SLC7A11: variants seen among roughly 807,000 people sequenced by gnomAD.
The protein encoded by SLC7A11 is solute carrier family 7 member 11.
A neutral mutation model predicts 54.5 loss-of-function variants in SLC7A11; 35 were observed. The ratio of observed to expected loss-of-function variants is 0.64; its 90% CI spans 0.49 to 0.85. The LOEUF is 0.85. Ranked by LOEUF, SLC7A11 falls within the 40% of genes least tolerant of loss-of-function variation. SLC7A11 has a pLI of 0.00. For synonymous variants in SLC7A11, 230 were observed against 225.2 expected (o/e 1.02, Z -0.19); for missense variants, 583 against 618.1 (o/e 0.94, Z 0.60).
chr4:138,170,843 A>G lies in SLC7A11; in HGVS notation c.*1113T>C, dbSNP rs558196704. ...TCTTTTGCAATTTTTATGTTAATATATGCCTTTTCCTAATTAATCTGGACA... is the reference window on the plus strand; with the variant it reads ...TCTTTTGCAATTTTTATGTTAATATGTGCCTTTTCCTAATTAATCTGGACA... On this transcript the variant is annotated 3_prime_UTR_variant, in exon 12 of 12. Transcript: ENST00000280612. 3.1e-4 allele frequency: 47 copies of G among 152,332 alleles called. No individual in the cohort carries two copies. The highest frequency in any genetic ancestry group is 1.1e-3 in the African/African-American group (44 of 41,590). 9.4% of individuals were successfully genotyped at this position (152,332 alleles called of 1,614,324 possible).
intron 6 of SLC7A11, among the ~76,000 whole-genome samples, chr4:138,196,485 G>C (rs977669932): frequency 2.0e-5 from 3 of 152,012 alleles, no homozygotes; most frequent in African/African-American, 7.2e-5. Context: ...AAAATACTGA[G>C]CTCCCTCCGT....
Position 138,241,910 on chromosome 4 carries a change from T to A in SLC7A11, c.160A>T (p.Ile54Phe), listed in dbSNP as rs775244957. ...VTLLRGVSIIIGTIIGAGIFI... is the reference protein window; with the variant it reads ...VTLLRGVSIIFGTIIGAGIFI... ...ATTCCTGCTCCAATGATGGTGCCAATGATAATGGAGACTCCCCTCAGTAAA... is the reference window on the plus strand; with the variant it reads ...ATTCCTGCTCCAATGATGGTGCCAAAGATAATGGAGACTCCCCTCAGTAAA... The change falls in exon 1 of 12, where the codon ATT (isoleucine) becomes TTT (phenylalanine). Residue 54 changes from isoleucine (I) to phenylalanine (F), a missense_variant. Transcript: ENST00000280612. 6.2e-7 allele frequency: 1 copy of A among 1,613,942 alleles called. No individual in the cohort carries two copies. Among genetic ancestry groups the A allele is most frequent in the South Asian group, 1.1e-5 (1 of 91,070 alleles).
At position 138,179,381 on chromosome 4, in the gene SLC7A11, A is replaced by G. The variant is rs756294364; in HGVS notation, c.1280T>C (p.Ile427Thr). 2 of 1,611,948 alleles carry G rather than the reference A, an allele frequency of 1.2e-6. No individual in the cohort carries two copies. Among genetic ancestry groups the G allele is most frequent in the African/African-American group, 1.3e-5 (1 of 74,932 alleles). ...MHRPFKVPLF[I>T]PALFSFTCLF... ...GCATGTGAAGGAAAACAAAGCTGGG[A>G]TGAACAGTGGCACCTGGAACACAGA... The change falls in exon 11 of 12, where the codon ATC (isoleucine) becomes ACC (threonine). Residue 427 changes from isoleucine (I) to threonine (T), a missense_variant. Coordinates refer to ENST00000280612, the MANE Select transcript of SLC7A11 (RefSeq NM_014331.4).
chr4:138,188,668 T>C (rs1736938708), intron 6 of SLC7A11, among the ~76,000 whole-genome samples: 2 of 152,138 alleles, frequency 1.3e-5, no homozygotes, highest in Non-Finnish European at 2.9e-5. Context: ...ACAGCGCAGA[T>C]AGCATTACTA....
rs986294215 is a variant in SLC7A11 at position 138,239,052 on chromosome 4, T to C, written c.278-2601A>G. 1.2e-4 allele frequency among the ~76,000 whole-genome samples: 19 copies of C among 152,332 alleles called. 1 individual carries two copies. The highest frequency in any genetic ancestry group is 4.1e-4 in the African/African-American group (17 of 41,574). On this transcript the variant is annotated intron_variant, in intron 1 of 11. Transcript: ENST00000280612. ...AGTAACGAGTCTGCAGACTAATATT[T>C]GGGGAACACTGATGTATTTCATCTA... is the stretch of plus-strand genomic sequence containing the variant.
At chr4:138,241,569 C>T (rs1738380121) in intron 1 of SLC7A11, among the ~76,000 whole-genome samples, 1 of 152,084 alleles carries the variant, frequency 6.6e-6, no homozygotes, top group Admixed American at 6.5e-5. Flanking sequence ...CTGTCTTAGT[C>T]AGGAAAAGAA....
rs1159512041 is a variant in SLC7A11, at chr4:138,171,843, C to T, written c.*113G>A. On this transcript the variant is annotated 3_prime_UTR_variant, in exon 12 of 12. Coordinates refer to ENST00000280612, the MANE Select transcript of SLC7A11 (RefSeq NM_014331.4). ...AAAATATATGAATAAAAATAACTGA[C>T]TCCTTTTGTTTATCACCAAAGTTGT... The T allele has an allele frequency of 1.1e-5, 15 of 1,313,648 alleles. No individual in the cohort carries two copies. The highest frequency in any genetic ancestry group is 1.2e-5 in the Non-Finnish European group (12 of 971,548). 81.4% of individuals were successfully genotyped at this position (1,313,648 alleles called of 1,614,324 possible). A position where few individuals can be genotyped will look rare whatever the true frequency, so the allele number is the denominator to read the frequency against.
At chr4:138,196,280 C>G (rs1336557282) in intron 6 of SLC7A11, among the ~76,000 whole-genome samples, 1 of 152,138 alleles carries the variant, frequency 6.6e-6, no homozygotes, top group Non-Finnish European at 1.5e-5. Flanking sequence ...ATGGTGTGAT[C>G]AGCCAGCAGC....
intron 11 of SLC7A11, among the ~76,000 whole-genome samples, chr4:138,178,468 A>G (rs1251299194): frequency 6.6e-6 from 1 of 152,066 alleles, no homozygotes; most frequent in African/African-American, 2.4e-5. Context: ...TTTATAGTAG[A>G]ATGATTTATA....
At chr4:138,241,696 C>T in intron 1 of SLC7A11, 97 bp downstream of exon 1, 1 of 961,594 alleles carries the variant, frequency 1.0e-6, no homozygotes, top group Non-Finnish European at 1.6e-6. Flanking sequence ...TGGCCTTTGC[C>T]ATCCATTCAC....
chr4:138,203,575 C>T (rs544279620), intron 6 of SLC7A11, among the ~76,000 whole-genome samples: 1 of 152,088 alleles, frequency 6.6e-6, no homozygotes, highest in African/African-American at 2.4e-5. Flanking sequence ...GTGCTGTTTG[C>T]CATAATTTCT....
Position 138,168,686 on chromosome 4 carries a change from C to G in SLC7A11, c.*3270G>C, listed in dbSNP as rs1171863996. ...AACCGTCATGCATTGCTAACGTAAC[C>G]TAATAAGCTGTCCAAATTTTGTGTC... On this transcript the variant is annotated 3_prime_UTR_variant, in exon 12 of 12. Coordinates refer to ENST00000280612, the MANE Select transcript of SLC7A11 (RefSeq NM_014331.4). 1 of 152,140 alleles carries G rather than the reference C, an allele frequency of 6.6e-6. No homozygotes were observed. Among genetic ancestry groups the G allele is most frequent in the African/African-American group, 2.4e-5 (1 of 41,426 alleles). The allele number at this position is 152,140 out of a possible 1,614,324, so 9.4% of individuals were successfully genotyped here.
intron 11 of SLC7A11, among the ~76,000 whole-genome samples, chr4:138,172,361 T>C (rs1037411354): frequency 6.6e-6 from 1 of 152,216 alleles, no homozygotes; most frequent in Non-Finnish European, 1.5e-5. Context: ...TAAAATTGGT[T>C]TATTCTTTTT....
At chr4:138,190,641 A>G (rs1736988361) in intron 6 of SLC7A11, among the ~76,000 whole-genome samples, 1 of 152,128 alleles carries the variant, frequency 6.6e-6, no homozygotes, top group South Asian at 2.1e-4. Context: ...TGTGTTGCAG[A>G]CAAAAAAAGT....
intron 6 of SLC7A11, among the ~76,000 whole-genome samples, chr4:138,190,578 T>C (rs1736986748): frequency 2.0e-5 from 3 of 152,286 alleles, no homozygotes; most frequent in Non-Finnish European, 4.4e-5. Context: ...GCAGAAGTAC[T>C]CTATCTTATT....
At chr4:138,224,000 T>A (rs1262444649) in intron 3 of SLC7A11, among the ~76,000 whole-genome samples, 2 of 152,178 alleles carry the variant, frequency 1.3e-5, no homozygotes, top group African/African-American at 4.8e-5. Flanking sequence ...CAGAAGAATT[T>A]TTCATTCTTA....
chr4:138,203,390 TTTAA>T (rs1490589379), intron 6 of SLC7A11, among the ~76,000 whole-genome samples: 5 of 152,132 alleles, frequency 3.3e-5, no homozygotes, highest in African/African-American at 1.2e-4. Context: ...TATATTCTTA[TTTAA>T]TTAAATCCCA....
At chr4:138,200,984 G>T (rs1737268972) in intron 6 of SLC7A11, among the ~76,000 whole-genome samples, 1 of 152,088 alleles carries the variant, frequency 6.6e-6, no homozygotes, top group Non-Finnish European at 1.5e-5. Flanking sequence ...GACTATCAGG[G>T]AGGAAGAAGA....
chr4:138,224,180 G>T (rs940087546), intron 3 of SLC7A11, among the ~76,000 whole-genome samples: 1 of 152,076 alleles, frequency 6.6e-6, no homozygotes, highest in Non-Finnish European at 1.5e-5. Flanking sequence ...GAATGAACTG[G>T]ATCCTCAGTT....
Sources: gnomAD v4.1 joint callset for allele counts (sites outside exome capture counted in the v4.1 genomes callset) on GRCh38, gnomAD v4.1.1 for gene constraint, MANE v1.5 for transcripts, NCBI Gene and HGNC (gene_info 2026-07-23, HGNC 2026-07-21) for gene names.